The following DNAJC2 variants were observed in gnomAD, a reference collection of about 807,000 sequenced individuals.
DNAJC2 encodes DnaJ heat shock protein family (Hsp40) member C2, also known as dnaJ homolog subfamily C member 2.
DNAJC2 carries 32 observed loss-of-function variants against 94.0 expected under a neutral mutation model. That is an observed-to-expected ratio of 0.34 (90% CI 0.26 to 0.46). DNAJC2 has a LOEUF of 0.46. Ranked by LOEUF, DNAJC2 falls within the 20% of genes least tolerant of loss-of-function variation. The pLI is 1.00. For missense variants in DNAJC2, 550 were observed against 719.5 expected (o/e 0.76, Z 2.69); for synonymous variants, 210 against 229.7 (o/e 0.91, Z 0.77).
At chr7:103,344,361 C>T (rs538597346) in intron 1 of DNAJC2, 198 bp downstream of exon 1, 67 of 604,164 alleles carry the variant, frequency 1.1e-4, no homozygotes, top group Middle Eastern at 8.6e-4. Flanking sequence ...AAAAGGAAGG[C>T]ACCCCTCACC....
intron 1 of DNAJC2, among the ~76,000 whole-genome samples, chr7:103,342,325 G>A (rs1225279879): frequency 6.8e-6 from 1 of 147,982 alleles, no homozygotes; most frequent in Non-Finnish European, 1.5e-5. Context: ...TTTTTTTTGA[G>A]ATGAAGTTTT....
intron 4 of DNAJC2, chr7:103,327,425 G>C (rs887844586): frequency 7.8e-5 from 68 of 871,488 alleles, no homozygotes; most frequent in Non-Finnish European, 1.1e-4. Flanking sequence ...CAGGGCCTGA[G>C]ACTGCATTTC....
At chr7:103,329,579 A>C (rs527320133) in intron 3 of DNAJC2, 8 of 152,318 alleles carry the variant, frequency 5.3e-5, no homozygotes, top group Admixed American at 1.3e-4. Context: ...AAAATTTTTT[A>C]ATCTTTTTGG....
At chr7:103,332,382 G>C (rs916208865) in intron 3 of DNAJC2, among the ~76,000 whole-genome samples, 1 of 151,782 alleles carries the variant, frequency 6.6e-6, no homozygotes, top group Non-Finnish European at 1.5e-5. Flanking sequence ...AGGATTTTTT[G>C]GGCTCTCTTT....
chr7:103,316,044 C>T lies in DNAJC2; in HGVS notation c.1472G>A (p.Gly491Glu), dbSNP rs1818034484. ...ANYMNIHSSS[G>E]VKRTAKDVIG... ...AACATCTTTGGCAGTTCTTTTGACT[C>T]CAGAGGAAGAATGTATGTTCATGTA... Residue 491 changes from glycine to glutamate, a missense_variant, in exon 14 of 17, where the codon GGA becomes GAA. Gly to Glu is a moderately conservative substitution (Grantham distance 98). Coordinates refer to ENST00000379263, the MANE Select transcript of DNAJC2 (RefSeq NM_014377.3). The T allele has an allele frequency of 1.2e-6, 2 of 1,601,008 alleles. No individual in the cohort carries two copies. The highest frequency in any genetic ancestry group is 1.7e-6 in the Non-Finnish European group (2 of 1,174,234).
At chr7:103,327,900 T>C in intron 3 of DNAJC2, 146 bp from the exon 4 acceptor site, 1 of 550,908 alleles carries the variant, frequency 1.8e-6, no homozygotes, top group Non-Finnish European at 3.2e-6. Flanking sequence ...AATGTGAAAA[T>C]TATAGAGAAA....
rs776698613 is a variant in DNAJC2 at position 103,321,947 on chromosome 7, A to C, written c.1068T>G (p.Leu356=). 6.2e-7 allele frequency: 1 copy of C among 1,613,190 alleles called. No individual in the cohort carries two copies. The highest frequency in any genetic ancestry group is 8.5e-7 in the Non-Finnish European group (1 of 1,179,550). ...TCTGATATACCTTGCATGAGTTTCGAAGTTTTTGCCTTTCCTTCTTAATGG... is the reference window on the plus strand; with the variant it reads ...TCTGATATACCTTGCATGAGTTTCGCAGTTTTTGCCTTTCCTTCTTAATGG... ...KKAIKKERQK[L]RNSCKTWNHF... The change falls in exon 10 of 17, where the codon CTT becomes CTG. Residue 356 remains leucine (L), a synonymous_variant. Coordinates refer to ENST00000379263, the MANE Select transcript of DNAJC2 (RefSeq NM_014377.3).
At position 103,344,689 on chromosome 7, in the gene DNAJC2, C is replaced by T. The variant is rs1819536905; in HGVS notation, c.-67G>A. 1 of 1,536,358 alleles carries T rather than the reference C, an allele frequency of 6.5e-7. No homozygotes were observed. Among genetic ancestry groups the T allele is most frequent in the African/African-American group, 1.4e-5 (1 of 73,654 alleles). On this transcript the variant is annotated 5_prime_UTR_variant, in exon 1 of 17. Transcript: ENST00000379263. ...CCCGGGCGGAGGGCGCTTAGGGTCC[C>T]CTCCAGCTCTACCTCTCACTCCGAG... is the stretch of plus-strand genomic sequence containing the variant.
chr7:103,330,402 C>G (rs1049025095), intron 3 of DNAJC2, among the ~76,000 whole-genome samples: 5 of 152,118 alleles, frequency 3.3e-5, no homozygotes, highest in African/African-American at 9.7e-5. Context: ...ATCCTCCCAC[C>G]TCAGCCTCCC....
intron 3 of DNAJC2, chr7:103,335,538 CTT>C (rs762515531): frequency 2.9e-4 from 40 of 140,002 alleles, no homozygotes; most frequent in Non-Finnish European, 2.7e-4. Context: ...TTCTTTCTTT[CTT>C]TTTTTTTTTT....
chr7:103,314,015 T>TAAAG, intron 15 of DNAJC2: 1 of 985,290 alleles, frequency 1.0e-6, no homozygotes, highest in Non-Finnish European at 1.2e-6. Context: ...CCTTCCCAAT[T>TAAAG]AAAGAAGGAA....
chr7:103,327,497 G>T, intron 4 of DNAJC2, 159 bp downstream of exon 4: 1 of 677,742 alleles, frequency 1.5e-6, no homozygotes, highest in Non-Finnish European at 2.5e-6. Context: ...GTGTCGTGAG[G>T]CTCTGGGGTG....
intron 2 of DNAJC2, among the ~76,000 whole-genome samples, chr7:103,340,823 T>C (rs1484393909): frequency 6.6e-6 from 1 of 152,238 alleles, no homozygotes; most frequent in Non-Finnish European, 1.5e-5. Flanking sequence ...AACCTCTTTT[T>C]GGAGTCATAG....
intron 15 of DNAJC2, chr7:103,314,387 T>G: frequency 1.0e-6 from 1 of 985,370 alleles, no homozygotes; most frequent in Non-Finnish European, 1.2e-6. Flanking sequence ...CCTTCCCATT[T>G]CCATAAAAGA....
At chr7:103,333,957 T>C (rs1357094103) in intron 3 of DNAJC2, among the ~76,000 whole-genome samples, 2 of 151,676 alleles carry the variant, frequency 1.3e-5, no homozygotes, top group African/African-American at 4.8e-5. Flanking sequence ...GAACATTTTT[T>C]TTTTTTTTTT....
At chr7:103,324,360 CT>C in intron 6 of DNAJC2, 121 bp downstream of exon 6, 2 of 821,740 alleles carry the variant, frequency 2.4e-6, no homozygotes, top group Non-Finnish European at 3.4e-6. Flanking sequence ...TAACAGAGTG[CT>C]TTTGTTCAGT....
At chr7:103,314,762 T>G (rs1817954058) in intron 15 of DNAJC2, 1 of 574,090 alleles carries the variant, frequency 1.7e-6, no homozygotes, top group African/African-American at 2.0e-5. Flanking sequence ...TATCTTTAAG[T>G]TGAAATTTTG....
chr7:103,335,411 A>G (rs1048095345), intron 3 of DNAJC2: 3 of 152,222 alleles, frequency 2.0e-5, no homozygotes, highest in Non-Finnish European at 4.4e-5. Context: ...CTGACGGAAT[A>G]TTCCACAAGG....
intron 2 of DNAJC2, among the ~76,000 whole-genome samples, chr7:103,339,793 G>A (rs554863641): frequency 1.3e-5 from 2 of 151,900 alleles, no homozygotes; most frequent in African/African-American, 4.8e-5. Flanking sequence ...AATTTTTCAT[G>A]TTATGTGATT....
Sources: allele counts gnomAD v4.1 joint callset (sites outside exome capture counted in the v4.1 genomes callset), GRCh38; gene constraint gnomAD v4.1.1; transcripts MANE v1.5; gene names NCBI Gene and HGNC (gene_info 2026-07-23, HGNC 2026-07-21).